GPR107: variants seen among roughly 807,000 people sequenced by gnomAD.
The protein encoded by GPR107 is G protein-coupled receptor 107.
Under a neutral mutation model 75.5 loss-of-function variants are expected in GPR107, and 31 were observed. The ratio of observed to expected loss-of-function variants is 0.41; its 90% confidence interval spans 0.31 to 0.55. The LOEUF (loss-of-function observed/expected upper bound fraction) is 0.55. Ranked by LOEUF, GPR107 falls within the 20% of genes least tolerant of loss-of-function variation. GPR107 has a pLI of 0.26. For missense variants in GPR107, 572 were observed against 665.7 expected (o/e 0.86, Z 1.55); for synonymous variants, 267 against 251.3 (o/e 1.06, Z -0.59).
At chr9:130,060,493 C>G (rs1221561579) in intron 1 of GPR107, among the ~76,000 whole-genome samples, 4 of 144,892 alleles carry the variant, frequency 2.8e-5, no homozygotes, top group Non-Finnish European at 4.5e-5. Flanking sequence ...AAACATAGTG[C>G]ACGATAGCCT....
chr9:130,099,281 C>T (rs1458123303), intron 9 of GPR107, among the ~76,000 whole-genome samples, 176 bp from the exon 10 acceptor site: 1 of 151,704 alleles, frequency 6.6e-6, no homozygotes, highest in African/African-American at 2.4e-5. Flanking sequence ...CACCACTGTC[C>T]TCTAGCCTGG....
At chr9:130,101,610 C>A (rs1370823154) in intron 12 of GPR107, among the ~76,000 whole-genome samples, 1 of 152,226 alleles carries the variant, frequency 6.6e-6, no homozygotes, top group Non-Finnish European at 1.5e-5. Context: ...TGAACTACAC[C>A]AGTGAGTTTC....
chr9:130,095,893 C>T (rs558309224), intron 9 of GPR107, among the ~76,000 whole-genome samples: 14 of 152,248 alleles, frequency 9.2e-5, no homozygotes, highest in Admixed American at 5.9e-4. Context: ...GGCCGCCAGG[C>T]GCATTTCACT....
intron 14 of GPR107, among the ~76,000 whole-genome samples, chr9:130,120,435 G>A (rs1328696647): frequency 6.6e-6 from 1 of 152,168 alleles, no homozygotes; most frequent in Non-Finnish European, 1.5e-5. Flanking sequence ...ACTTGGTTAA[G>A]ACCTGCAGTG....
intron 1 of GPR107, among the ~76,000 whole-genome samples, chr9:130,058,742 G>A (rs913814728): frequency 6.6e-6 from 1 of 152,212 alleles, no homozygotes; most frequent in Admixed American, 6.5e-5. Context: ...TGGGATCACA[G>A]GTGTGAGCCA....
At chr9:130,098,897 A>G (rs1163863473) in intron 9 of GPR107, among the ~76,000 whole-genome samples, 2 of 152,096 alleles carry the variant, frequency 1.3e-5, no homozygotes, top group Admixed American at 6.5e-5. Flanking sequence ...AATCCCGGCT[A>G]CTCAGGAGGT....
chr9:130,074,509 A>G (rs1219088065), intron 1 of GPR107, among the ~76,000 whole-genome samples: 1 of 152,184 alleles, frequency 6.6e-6, no homozygotes, highest in Admixed American at 6.6e-5. Context: ...GTGTTCACTG[A>G]CACCATTGCT....
chr9:130,114,051 A>ATTTTTTTTTTTT (rs35152076), intron 14 of GPR107, among the ~76,000 whole-genome samples: 4 of 81,190 alleles, frequency 4.9e-5, no homozygotes, highest in Non-Finnish European at 7.0e-5. Flanking sequence ...TTTTTTTTTC[A>ATTTTTTTTTTTT]TTTTTTTTTT....
chr9:130,104,328 T>A (rs1354252561), intron 12 of GPR107, 92 bp from the exon 13 acceptor site: 1 of 1,136,886 alleles, frequency 8.8e-7, no homozygotes, highest in East Asian at 2.4e-5. Flanking sequence ...ATCGTGGGTC[T>A]GGAGGCCAAG....
At chr9:130,107,330 A>G (rs1164960968) in intron 13 of GPR107, among the ~76,000 whole-genome samples, 166 bp from the exon 14 acceptor site, 1 of 152,148 alleles carries the variant, frequency 6.6e-6, no homozygotes, top group Non-Finnish European at 1.5e-5. Context: ...TGTTGATATC[A>G]ACCATTTCCC....
intron 1 of GPR107, among the ~76,000 whole-genome samples, chr9:130,062,682 C>T (rs1206311559): frequency 6.8e-6 from 1 of 147,112 alleles, no homozygotes; most frequent in African/African-American, 2.5e-5. Context: ...TCCTTCCTTC[C>T]TTCCTTCCTT....
chr9:130,069,722 GTC>G (rs1203810946), intron 1 of GPR107, among the ~76,000 whole-genome samples: 1 of 152,094 alleles, frequency 6.6e-6, no homozygotes, highest in Non-Finnish European at 1.5e-5. Context: ...GTCTCACTCT[GTC>G]ACCCATGCTG....
chr9:130,103,101 T>G lies in GPR107; in HGVS notation c.1132-1319T>G, dbSNP rs1464418203. ...CCACCGCACCCAGCCCTACTTTGTC[T>G]TTTTAGATGGAGCCACAGATGCTAG... On this transcript the variant is annotated intron_variant, in intron 12 of 17. Coordinates refer to ENST00000347136, the MANE Select transcript of GPR107 (RefSeq NM_020960.5). The surrounding 1 kb of genome is among the most constrained non-coding windows in gnomAD (Gnocchi z 4.3). 3.9e-5 allele frequency among the ~76,000 whole-genome samples: 6 copies of G among 152,160 alleles called. No individual in the cohort carries two copies. Among genetic ancestry groups the G allele is most frequent in the Non-Finnish European group, 2.9e-5 (2 of 68,028 alleles).
intron 14 of GPR107, chr9:130,110,259 A>C (rs1353412559): frequency 1.4e-6 from 1 of 697,306 alleles, no homozygotes; most frequent in Non-Finnish European, 2.6e-6. Context: ...GTGAGGCAGC[A>C]TGGGGTCAGC....
intron 6 of GPR107, among the ~76,000 whole-genome samples, chr9:130,086,170 T>C (rs1384215869): frequency 1.3e-5 from 2 of 152,044 alleles, no homozygotes; most frequent in East Asian, 3.9e-4. Flanking sequence ...AGCCGAAAGA[T>C]TCAAGGCAGG....
intron 1 of GPR107, among the ~76,000 whole-genome samples, chr9:130,071,713 T>C (rs1830216664): frequency 6.6e-6 from 1 of 152,150 alleles, no homozygotes; most frequent in Non-Finnish European, 1.5e-5. Context: ...GATAAAGTCT[T>C]GCTCTTGTCC....
At chr9:130,098,999 C>T (rs10819600) in intron 9 of GPR107, among the ~76,000 whole-genome samples, 48,667 of 149,284 alleles carry the variant, frequency 0.33, 7,938 homozygotes, top group Non-Finnish European at 0.38. Context: ...GGTGACAGAA[C>T]GATACTCTTG....
At chr9:130,061,966 G>A (rs930996674) in intron 1 of GPR107, among the ~76,000 whole-genome samples, 5 of 151,648 alleles carry the variant, frequency 3.3e-5, no homozygotes, top group African/African-American at 1.2e-4. Context: ...CATTAGCCAA[G>A]GCAAAATGAG....
chr9:130,111,849 C>T (rs975558065), intron 14 of GPR107, among the ~76,000 whole-genome samples: 5 of 152,154 alleles, frequency 3.3e-5, no homozygotes, highest in African/African-American at 7.2e-5. Context: ...GTCCTTTAGC[C>T]GCGTCTTTGT....
Sources: allele counts gnomAD v4.1 joint callset (sites outside exome capture counted in the v4.1 genomes callset), GRCh38; gene constraint gnomAD v4.1.1; non-coding constraint Gnocchi (gnomAD v3.1); transcripts MANE v1.5; gene names NCBI Gene and HGNC (gene_info 2026-07-23, HGNC 2026-07-21).